PDE3B: variants seen among roughly 807,000 people sequenced by gnomAD.
PDE3B encodes phosphodiesterase 3B.
A neutral mutation model predicts 116.8 loss-of-function variants in PDE3B; 66 were observed. That is an observed-to-expected ratio of 0.56 (90% confidence interval 0.46 to 0.69). PDE3B has a LOEUF of 0.69. Ranked by LOEUF, PDE3B falls within the 30% of genes least tolerant of loss-of-function variation. The pLI, the probability that PDE3B is intolerant of heterozygous loss-of-function variation, is 0.00. For missense variants in PDE3B, 1,384 were observed against 1,368.1 expected (o/e 1.01, Z -0.18); for synonymous variants, 595 against 533.6 (o/e 1.12, Z -1.59).
intron 3 of PDE3B, among the ~76,000 whole-genome samples, chr11:14,788,151 T>C (rs1345816542): frequency 6.6e-6 from 1 of 151,926 alleles, no homozygotes; most frequent in Non-Finnish European, 1.5e-5. Flanking sequence ...TTTAAACTCG[T>C]TATTAGAACT....
At chr11:14,790,207 C>T (rs1858340377) in intron 4 of PDE3B, among the ~76,000 whole-genome samples, 1 of 151,836 alleles carries the variant, frequency 6.6e-6, no homozygotes, top group Non-Finnish European at 1.5e-5. Context: ...AGGTGAACTC[C>T]TTTTTTGTAA....
chr11:14,853,498 A>C (rs1009955768), intron 12 of PDE3B, among the ~76,000 whole-genome samples: 4 of 152,232 alleles, frequency 2.6e-5, no homozygotes, highest in Non-Finnish European at 5.9e-5. Context: ...GCCTTCTTCA[A>C]CTAGCACCTG....
At chr11:14,716,073 C>T (rs557509531) in intron 1 of PDE3B, among the ~76,000 whole-genome samples, 5 of 152,024 alleles carry the variant, frequency 3.3e-5, no homozygotes, top group African/African-American at 1.2e-4. Flanking sequence ...GCACCGTGCG[C>T]GAGCCGAAGC....
At chr11:14,853,011 CTT>C (rs1201371669) in intron 12 of PDE3B, among the ~76,000 whole-genome samples, 84 of 142,532 alleles carry the variant, frequency 5.9e-4, no homozygotes, top group Admixed American at 7.0e-4. Context: ...GTCTCTCTCT[CTT>C]TTTTTTTTTT....
intron 2 of PDE3B, among the ~76,000 whole-genome samples, chr11:14,780,807 A>C (rs557621479): frequency 5.9e-5 from 9 of 152,366 alleles, no homozygotes; most frequent in East Asian, 5.8e-4. Context: ...GCAAGAAATA[A>C]CTAAGATCAG....
At chr11:14,689,310 C>T (rs372907215) in intron 1 of PDE3B, among the ~76,000 whole-genome samples, 20 of 151,892 alleles carry the variant, frequency 1.3e-4, no homozygotes, top group African/African-American at 2.7e-4. Flanking sequence ...GTGGAAAAGA[C>T]GAGTGGGCAA....
chr11:14,669,655 C>T (rs1163752402), intron 1 of PDE3B, among the ~76,000 whole-genome samples: 1 of 150,040 alleles, frequency 6.7e-6, no homozygotes, highest in East Asian at 2.0e-4. Flanking sequence ...TGTTCCCCAC[C>T]CTGTGTCCAA....
At chr11:14,645,157 A>T in intron 1 of PDE3B, 104 bp downstream of exon 1, 2 of 275,300 alleles carry the variant, frequency 7.3e-6, no homozygotes, top group Non-Finnish European at 1.3e-5. Flanking sequence ...AACTTTCAGA[A>T]TGGAAAAAGG....
intron 1 of PDE3B, among the ~76,000 whole-genome samples, chr11:14,757,237 A>G (rs1288465857): frequency 6.6e-6 from 1 of 151,078 alleles, no homozygotes; most frequent in Non-Finnish European, 1.5e-5. Flanking sequence ...AGTCTTTGCT[A>G]TTGTGAATAA....
intron 7 of PDE3B, among the ~76,000 whole-genome samples, chr11:14,825,268 A>C (rs1174042768): frequency 1.3e-5 from 2 of 152,220 alleles, no homozygotes; most frequent in African/African-American, 4.8e-5. Context: ...AATGACAGGA[A>C]CAAATCCACA....
intron 1 of PDE3B, among the ~76,000 whole-genome samples, chr11:14,756,229 A>G (rs914547871): frequency 2.0e-5 from 3 of 152,206 alleles, no homozygotes; most frequent in Non-Finnish European, 4.4e-5. Context: ...AATGGTGTCT[A>G]TATCAAGATA....
At chr11:14,789,626 A>G (rs533212388) in intron 4 of PDE3B, among the ~76,000 whole-genome samples, 191 of 152,192 alleles carry the variant, frequency 1.3e-3, no homozygotes, top group African/African-American at 4.2e-3. Flanking sequence ...ACTTCTGAAA[A>G]GAGGAGCACG....
intron 10 of PDE3B, among the ~76,000 whole-genome samples, chr11:14,833,143 G>T (rs2133964483): frequency 6.6e-6 from 1 of 152,054 alleles, no homozygotes; most frequent in Admixed American, 6.6e-5. Context: ...AGTAGAGATG[G>T]GGTTTCACCA....
intron 1 of PDE3B, among the ~76,000 whole-genome samples, chr11:14,701,849 C>A (rs1184859781): frequency 6.6e-6 from 1 of 151,228 alleles, no homozygotes; most frequent in African/African-American, 2.4e-5. Context: ...ATTCTGATTT[C>A]TCTCTGGAAG....
intron 1 of PDE3B, among the ~76,000 whole-genome samples, chr11:14,760,283 A>C (rs1289394847): frequency 6.6e-6 from 1 of 152,210 alleles, no homozygotes; most frequent in Non-Finnish European, 1.5e-5. Flanking sequence ...CATAGATTCT[A>C]TAACCAAAAT....
intron 1 of PDE3B, among the ~76,000 whole-genome samples, chr11:14,686,874 T>C (rs906411634): frequency 6.6e-6 from 1 of 152,082 alleles, no homozygotes; most frequent in Non-Finnish European, 1.5e-5. Context: ...CCACCATGGC[T>C]GGCTAATTTT....
chr11:14,858,158 TCCTA>T (rs1847883235), intron 12 of PDE3B, among the ~76,000 whole-genome samples: 1 of 152,208 alleles, frequency 6.6e-6, no homozygotes, highest in Non-Finnish European at 1.5e-5. Flanking sequence ...AGAATATGTA[TCCTA>T]CCTGAGATCT....
At position 14,665,103 on chromosome 11, in the gene PDE3B, C is replaced by G. The variant is rs548814796; in HGVS notation, c.978+20050C>G. ...TGGGCTTCATCCCTGGGATGCAAGG[C>G]TGGTTCAATATCCGCAAATCAATAA... On this transcript the variant is annotated intron_variant, in intron 1 of 15. Coordinates refer to ENST00000282096, the MANE Select transcript of PDE3B (RefSeq NM_000922.4). Among the ~76,000 whole-genome samples the G allele has an allele frequency of 1.4e-3, 209 of 152,328 alleles. 1 individual carries two copies. The highest frequency in any genetic ancestry group is 2.4e-4 in the Non-Finnish European group (16 of 68,034).
chr11:14,889,814 A>C, the PDE3B span, among the ~76,000 whole-genome samples: 1 of 152,200 alleles, frequency 6.6e-6, no homozygotes, highest in African/African-American at 2.4e-5. Flanking sequence ...GAGGTCGAAC[A>C]AATGTGTTCT....
Sources: gnomAD v4.1 joint callset for allele counts (sites outside exome capture counted in the v4.1 genomes callset) on GRCh38, gnomAD v4.1.1 for gene constraint, MANE v1.5 for transcripts, NCBI Gene and HGNC (gene_info 2026-07-23, HGNC 2026-07-21) for gene names.